RPRD2: variants seen among roughly 807,000 people sequenced by gnomAD.
RPRD2 encodes the protein regulation of nuclear pre-mRNA domain containing 2.
Under a neutral mutation model 104.4 loss-of-function variants are expected in RPRD2, and 12 were observed. The ratio of observed to expected loss-of-function variants is 0.11; its 90% CI spans 0.07 to 0.19. The LOEUF is 0.19. RPRD2 is among the 10% of genes least tolerant of loss of function. RPRD2 has a pLI of 1.00. For missense variants in RPRD2, 1,543 were observed against 1,790.1 expected (o/e 0.86, Z 2.49); for synonymous variants, 714 against 684.9 (o/e 1.04, Z -0.66).
chr1:150,446,122 A>G, intron 6 of RPRD2, 104 bp from the exon 7 acceptor site: 2 of 729,388 alleles, frequency 2.7e-6, no homozygotes, highest in South Asian at 4.2e-5. Context: ...ACAGTAAGGC[A>G]GCAAGAGTAT....
At chr1:150,429,548 T>C (rs1181766690) in intron 2 of RPRD2, among the ~76,000 whole-genome samples, 2 of 151,996 alleles carry the variant, frequency 1.3e-5, no homozygotes, top group Admixed American at 6.6e-5. Context: ...AAAGGCAAGG[T>C]TTCACCATGT....
intron 2 of RPRD2, among the ~76,000 whole-genome samples, chr1:150,428,748 A>G (rs1665341230): frequency 6.6e-6 from 1 of 152,146 alleles, no homozygotes; most frequent in East Asian, 1.9e-4. Flanking sequence ...GGTATTGATA[A>G]AGGAAAGAGA....
At chr1:150,380,934 C>T (rs782409389) in intron 1 of RPRD2, among the ~76,000 whole-genome samples, 1 of 152,170 alleles carries the variant, frequency 6.6e-6, no homozygotes, top group Non-Finnish European at 1.5e-5. Flanking sequence ...GGATTACAGG[C>T]GTGAAGCACG....
At chr1:150,456,513 A>G (rs753831939) in intron 7 of RPRD2, among the ~76,000 whole-genome samples, 8 of 152,072 alleles carry the variant, frequency 5.3e-5, no homozygotes, top group Non-Finnish European at 7.4e-5. Context: ...TATGCCTGCA[A>G]TCCTAGCATT....
In RPRD2 at chr1:150,459,469, A is replaced by T. The variant is rs114482533; in HGVS notation, c.1154-591A>T. 5.0e-3 allele frequency among the ~76,000 whole-genome samples: 761 copies of T among 152,326 alleles called. 10 individuals carry two copies. The highest frequency in any genetic ancestry group is 0.017 in the African/African-American group (716 of 41,562). Reference sequence around the variant, plus strand: ...GAAAAATATCATTTCCAAAAGACAGAACACAAATGTGTACCAAATAATAAC... The same window carrying T: ...GAAAAATATCATTTCCAAAAGACAGTACACAAATGTGTACCAAATAATAAC... On this transcript the variant is annotated intron_variant, in intron 8 of 10. Transcript: ENST00000369068.
chr1:150,379,772 G>A (rs1660993702), intron 1 of RPRD2, among the ~76,000 whole-genome samples: 1 of 152,228 alleles, frequency 6.6e-6, no homozygotes, highest in Non-Finnish European at 1.5e-5. Context: ...TCTTGACCTT[G>A]TGATCTGCCC....
chr1:150,446,081 AAG>A (rs1176003263), intron 6 of RPRD2, 143 bp from the exon 7 acceptor site: 69 of 511,472 alleles, frequency 1.3e-4, no homozygotes, highest in Non-Finnish European at 1.6e-4. Context: ...AAAAAAAAAA[AAG>A]AAAGAAACTA....
At chr1:150,416,343 A>C (rs1664325382) in intron 1 of RPRD2, among the ~76,000 whole-genome samples, 1 of 152,138 alleles carries the variant, frequency 6.6e-6, no homozygotes, top group Non-Finnish European at 1.5e-5. Context: ...GATGAAATTG[A>C]AGAACAAGTA....
intron 1 of RPRD2, among the ~76,000 whole-genome samples, chr1:150,390,854 G>A (rs190118756): frequency 6.8e-4 from 104 of 152,096 alleles, no homozygotes; most frequent in African/African-American, 2.4e-3. Context: ...AAGGAATAAT[G>A]GAGAAAATGG....
rs751568662 is a variant in RPRD2, at chr1:150,472,961, A to C, written c.4013A>C (p.Glu1338Ala). The change falls in exon 11 of 11, where the codon GAG becomes GCG. Residue 1338 changes from glutamate to alanine, a missense_variant. Physicochemically the swap from Glu to Ala is moderately radical, Grantham distance 107. Around this residue, in one of 4 missense-constraint regions of RPRD2, gnomAD observed 880 missense variants for 885.6 expected, o/e 0.99. Transcript: ENST00000369068. ...HSSLLQGTLA[E>A]HFGVLPGPRD... is the part of the protein sequence containing the mutation. ...TCCCTCCTTCAAGGGACCCTGGCTG[A>C]GCATTTTGGGGTACTCCCAGGACCC... 1 of 1,613,850 alleles carries C rather than the reference A, an allele frequency of 6.2e-7. No homozygotes were observed. Among genetic ancestry groups the C allele is most frequent in the East Asian group, 2.2e-5 (1 of 44,866 alleles).
At chr1:150,401,197 T>C (rs1046821096) in intron 1 of RPRD2, among the ~76,000 whole-genome samples, 2 of 150,530 alleles carry the variant, frequency 1.3e-5, no homozygotes, top group African/African-American at 4.9e-5. Flanking sequence ...AAAAAAGAGA[T>C]AGCATCTTAG....
At chr1:150,460,490 G>C (rs1427529487) in intron 9 of RPRD2, among the ~76,000 whole-genome samples, 173 bp downstream of exon 9, 1 of 151,936 alleles carries the variant, frequency 6.6e-6, no homozygotes, top group African/African-American at 2.4e-5. Context: ...TGCAACCTCT[G>C]CCTCCCGGGT....
intron 1 of RPRD2, among the ~76,000 whole-genome samples, chr1:150,372,934 G>A (rs1305869654): frequency 1.3e-5 from 2 of 151,942 alleles, no homozygotes; most frequent in Non-Finnish European, 2.9e-5. Context: ...TTCACCAAGG[G>A]TTTTATAGGC....
intron 5 of RPRD2, among the ~76,000 whole-genome samples, chr1:150,443,973 G>A (rs1003772829): frequency 5.3e-5 from 8 of 152,096 alleles, no homozygotes; most frequent in Non-Finnish European, 1.2e-4. Context: ...AGCCGAGATC[G>A]TGCCACTGCA....
At chr1:150,375,386 A>G (rs1553879264) in intron 1 of RPRD2, among the ~76,000 whole-genome samples, 1 of 152,222 alleles carries the variant, frequency 6.6e-6, no homozygotes, top group East Asian at 1.9e-4. Flanking sequence ...GTTCTGTGAC[A>G]TGGAGGTATC....
intron 7 of RPRD2, among the ~76,000 whole-genome samples, chr1:150,452,822 C>T (rs1222410821): frequency 6.6e-6 from 1 of 151,862 alleles, no homozygotes; most frequent in African/African-American, 2.4e-5. Flanking sequence ...AGGCATTCGC[C>T]ACCACGCCTG....
intron 10 of RPRD2, 23 bp from the exon 11 acceptor site, chr1:150,470,538 C>G (rs748258118): frequency 1.9e-6 from 3 of 1,595,130 alleles, no homozygotes; most frequent in East Asian, 2.2e-5. Flanking sequence ...TCTTTTTAAC[C>G]CCTCTAATCT....
chr1:150,445,301 T>G (rs1470165162), intron 6 of RPRD2, among the ~76,000 whole-genome samples: 8 of 152,184 alleles, frequency 5.3e-5, no homozygotes, highest in Non-Finnish European at 8.8e-5. Flanking sequence ...GTAAGGAGAT[T>G]AGTAGCTTAC....
intron 10 of RPRD2, among the ~76,000 whole-genome samples, chr1:150,465,798 C>A (rs1553899797): frequency 6.6e-6 from 1 of 152,116 alleles, no homozygotes; most frequent in African/African-American, 2.4e-5. Flanking sequence ...GTTGCTCACG[C>A]CTGTAATCCC....
Sources: allele counts gnomAD v4.1 joint callset (sites outside exome capture counted in the v4.1 genomes callset), GRCh38; gene constraint gnomAD v4.1.1; regional missense constraint gnomAD v4.1.1; transcripts MANE v1.5; gene names NCBI Gene and HGNC (gene_info 2026-07-23, HGNC 2026-07-21).